Variants in GNG7 observed in about 807,000 individuals in gnomAD.
GNG7 encodes guanine nucleotide-binding protein G(I)/G(S)/G(O) subunit gamma-7.
GNG7 carries 1 observed loss-of-function variant against 4.0 expected under a neutral mutation model. The ratio of observed to expected loss-of-function variants is 0.25; its 90% CI spans 0.09 to 1.18. GNG7 has a LOEUF of 1.18. Among genes scored for constraint, GNG7 ranks in the 50% most tolerant of loss-of-function variants. GNG7 has a pLI of 0.50. For synonymous variants in GNG7, 34 were observed against 36.9 expected (o/e 0.92, Z 0.29); for missense variants, 86 against 91.9 (o/e 0.94, Z 0.26).
At position 2,617,229 on chromosome 19, in the gene GNG7, G is replaced by A. The variant is rs1279584239; in HGVS notation, c.-78+28995C>T. Among the ~76,000 whole-genome samples, 1 of 152,140 alleles carries A rather than the reference G, an allele frequency of 6.6e-6. No individual in the cohort carries two copies. The highest frequency in any genetic ancestry group is 1.9e-4 in the East Asian group (1 of 5,196). On this transcript the variant is annotated intron_variant, in intron 2 of 4. Transcript: ENST00000382159. This position sits in a 1 kb window ranked among gnomAD's most constrained non-coding sequence, Gnocchi z 4.7. ...AGCATCTCCAGTCGTGACAACCACA[G>A]ATGTCCCCAGATATCACCCAGAGTC... is the stretch of plus-strand genomic sequence containing the variant.
chr19:2,636,401 C>T (rs1982308789), intron 2 of GNG7, among the ~76,000 whole-genome samples: 1 of 152,150 alleles, frequency 6.6e-6, no homozygotes, highest in Non-Finnish European at 1.5e-5. Flanking sequence ...AGGAGCATGA[C>T]ATCTGGGAGG....
intron 1 of GNG7, among the ~76,000 whole-genome samples, chr19:2,670,675 G>A (rs975560029): frequency 6.6e-6 from 1 of 152,042 alleles, no homozygotes; most frequent in Admixed American, 6.5e-5. Flanking sequence ...GTGTTCTCTC[G>A]GGCGGGGCTG....
chr19:2,693,707 C>G (rs1913184766), intron 1 of GNG7, among the ~76,000 whole-genome samples: 1 of 152,140 alleles, frequency 6.6e-6, no homozygotes, highest in Non-Finnish European at 1.5e-5. Flanking sequence ...CCGGTTGTGA[C>G]AGCCACAAAT....
At chr19:2,516,774 C>T (rs1489555690) in intron 4 of GNG7, among the ~76,000 whole-genome samples, 1 of 152,220 alleles carries the variant, frequency 6.6e-6, no homozygotes, top group Non-Finnish European at 1.5e-5. Flanking sequence ...CTCCATGTTT[C>T]TCTTGCAGCC....
At chr19:2,565,907 C>T (rs908294466) in intron 2 of GNG7, among the ~76,000 whole-genome samples, 2 of 152,182 alleles carry the variant, frequency 1.3e-5, no homozygotes, top group African/African-American at 4.8e-5. Context: ...CCTGTTATCC[C>T]AGCACTTCGG....
chr19:2,648,004 G>C (rs1355210049), intron 1 of GNG7, among the ~76,000 whole-genome samples: 4 of 139,030 alleles, frequency 2.9e-5, no homozygotes, highest in Non-Finnish European at 3.1e-5. Context: ...CTCTAGCCTG[G>C]GTGACAGAAC....
chr19:2,554,194 C>A (rs1466615653), intron 3 of GNG7, among the ~76,000 whole-genome samples: 1 of 146,258 alleles, frequency 6.8e-6, no homozygotes, highest in Admixed American at 6.9e-5. Flanking sequence ...TTTTTCTTTT[C>A]TTTAGAGACC....
chr19:2,670,485 G>A (rs564092402), intron 1 of GNG7, among the ~76,000 whole-genome samples: 20 of 152,382 alleles, frequency 1.3e-4, no homozygotes, highest in African/African-American at 4.6e-4. Flanking sequence ...GCCTCCAGAC[G>A]GTCAGACTTG....
intron 2 of GNG7, among the ~76,000 whole-genome samples, chr19:2,558,988 G>A (rs998442503): frequency 1.3e-5 from 2 of 151,670 alleles, no homozygotes; most frequent in Non-Finnish European, 1.5e-5. Context: ...CAGTAGAGAC[G>A]GGGTTTCACC....
At chr19:2,550,279 G>T (rs1253837926) in intron 3 of GNG7, among the ~76,000 whole-genome samples, 1 of 152,132 alleles carries the variant, frequency 6.6e-6, no homozygotes, top group African/African-American at 2.4e-5. Flanking sequence ...GTGCAGTGGC[G>T]CAATCTCGGC....
intron 1 of GNG7, among the ~76,000 whole-genome samples, chr19:2,671,364 C>A (rs1983447397): frequency 2.0e-5 from 3 of 152,082 alleles, no homozygotes; most frequent in African/African-American, 7.3e-5. Context: ...TGGCTCTGAG[C>A]CTCGACCTGG....
intron 1 of GNG7, among the ~76,000 whole-genome samples, chr19:2,672,437 T>A (rs1983478587): frequency 2.7e-5 from 4 of 147,806 alleles, no homozygotes; most frequent in African/African-American, 9.8e-5. Flanking sequence ...ATTACAGGTG[T>A]GACGCCCGAT....
rs570772205 is a variant in GNG7 at position 2,664,219 on chromosome 19, C to T, written c.-134-17939G>A. On this transcript the variant is annotated intron_variant, in intron 1 of 4. Coordinates refer to ENST00000382159, the MANE Select transcript of GNG7 (RefSeq NM_052847.3). ...AGCACGTGGCAGGGGCGTCTTGTCT[C>T]GTTGGAGGCTGGATATAGAAACACA... 5.9e-5 allele frequency among the ~76,000 whole-genome samples: 9 copies of T among 152,336 alleles called. No individual in the cohort carries two copies. The East Asian group carries it at 1.3e-3, about 23-fold the overall frequency.
intron 2 of GNG7, among the ~76,000 whole-genome samples, chr19:2,602,485 C>G (rs757836842): frequency 3.3e-5 from 5 of 152,224 alleles, no homozygotes; most frequent in Non-Finnish European, 5.9e-5. Flanking sequence ...TGCCAGCAGA[C>G]AGGAATGCGC....
chr19:2,559,337 C>A (rs943207013), intron 2 of GNG7, among the ~76,000 whole-genome samples: 3 of 147,100 alleles, frequency 2.0e-5, no homozygotes, highest in African/African-American at 7.5e-5. Flanking sequence ...CAATACATGA[C>A]CTGTTCTGTG....
At chr19:2,651,323 C>CT (rs1982815803) in intron 1 of GNG7, among the ~76,000 whole-genome samples, 1 of 72,586 alleles carries the variant, frequency 1.4e-5, no homozygotes, top group Non-Finnish European at 2.7e-5. Flanking sequence ...CCCTCCCTCC[C>CT]TCCCTCCCTA....
chr19:2,595,070 T>C (rs1980973987), intron 2 of GNG7: 1 of 151,350 alleles, frequency 6.6e-6, no homozygotes, highest in Non-Finnish European at 1.5e-5. Flanking sequence ...CAGTGAACCA[T>C]GATGGCACCA....
chr19:2,573,246 C>T (rs1235518448), intron 2 of GNG7, among the ~76,000 whole-genome samples: 1 of 151,506 alleles, frequency 6.6e-6, no homozygotes, highest in Non-Finnish European at 1.5e-5. Context: ...TGGTCTCGAA[C>T]TCCCAACCTC....
intron 1 of GNG7, among the ~76,000 whole-genome samples, chr19:2,673,360 G>A (rs551908811): frequency 1.8e-4 from 28 of 151,688 alleles, no homozygotes; most frequent in African/African-American, 6.3e-4. Context: ...AGGAGATGTC[G>A]GGAGTCAATG....
Sources: gnomAD v4.1 joint callset for allele counts (sites outside exome capture counted in the v4.1 genomes callset) on GRCh38, gnomAD v4.1.1 for gene constraint, Gnocchi (gnomAD v3.1) non-coding constraint, MANE v1.5 for transcripts, NCBI Gene and HGNC (gene_info 2026-07-23, HGNC 2026-07-21) for gene names.